CLCN3: variants seen among roughly 807,000 people sequenced by gnomAD.
CLCN3 encodes the protein Cl-/H+ antiporter 3.
CLCN3 carries 16 observed loss-of-function variants against 83.4 expected under a neutral mutation model. The ratio of observed to expected loss-of-function variants is 0.19; its 90% CI spans 0.13 to 0.29. The LOEUF (loss-of-function observed/expected upper bound fraction) is 0.29, where lower values mean the gene tolerates loss of function less well. Among genes scored for constraint, CLCN3 ranks in the 10% least tolerant of loss-of-function variants. The pLI is 1.00. For synonymous variants in CLCN3, 322 were observed against 346.2 expected (o/e 0.93, Z 0.78); for missense variants, 544 against 1,006.0 (o/e 0.54, Z 6.21).
At chr4:169,654,643 A>G (rs1428731562) in intron 2 of CLCN3, among the ~76,000 whole-genome samples, 1 of 152,164 alleles carries the variant, frequency 6.6e-6, no homozygotes, top group Non-Finnish European at 1.5e-5. Context: ...TCAGTTTATA[A>G]TTTCCAACAC....
At chr4:169,622,934 C>G (rs1458138398) in intron 1 of CLCN3, among the ~76,000 whole-genome samples, 1 of 152,184 alleles carries the variant, frequency 6.6e-6, no homozygotes, top group East Asian at 1.9e-4. Flanking sequence ...TCTTACTACT[C>G]TAATAAACAT....
At chr4:169,638,959 A>C (rs1581195008) in intron 2 of CLCN3, among the ~76,000 whole-genome samples, 1 of 152,232 alleles carries the variant, frequency 6.6e-6, no homozygotes, top group Non-Finnish European at 1.5e-5. Flanking sequence ...GCACTTTAAC[A>C]TGCAAACAAG....
chr4:169,694,236 C>T (rs1732482003), intron 7 of CLCN3, among the ~76,000 whole-genome samples: 2 of 152,102 alleles, frequency 1.3e-5, no homozygotes, highest in South Asian at 2.1e-4. Flanking sequence ...TTTACTGGTG[C>T]CAGGCACTGT....
rs1459526623 is a variant in CLCN3, at chr4:169,721,783, T to G, written c.*1786T>G. ...GGCAAAGGCAGTTTACTCAAAGGAC[T>G]GGGCTAAATATTCTGTAATTATGCA... is the stretch of plus-strand genomic sequence containing the variant. On this transcript the variant is annotated 3_prime_UTR_variant, in exon 13 of 13. Coordinates refer to ENST00000513761, the MANE Select transcript of CLCN3 (RefSeq NM_001829.4). 6.6e-6 allele frequency: 1 copy of G among 152,206 alleles called. No homozygotes were observed. The highest frequency in any genetic ancestry group is 6.5e-5 in the Admixed American group (1 of 15,284). 9.4% of individuals were successfully genotyped at this position (152,206 alleles called of 1,614,324 possible).
chr4:169,709,589 G>A (rs572083777), intron 11 of CLCN3, among the ~76,000 whole-genome samples: 103 of 151,940 alleles, frequency 6.8e-4, no homozygotes, highest in Middle Eastern at 3.4e-3. Context: ...GGAGGCTGAG[G>A]CAGGAGAATC....
intron 2 of CLCN3, among the ~76,000 whole-genome samples, chr4:169,676,588 C>G (rs1731687182): frequency 6.6e-6 from 1 of 151,362 alleles, no homozygotes; most frequent in African/African-American, 2.4e-5. Flanking sequence ...TGGGCTCAAG[C>G]AATTCTCTCA....
chr4:169,662,362 C>T (rs866256563), intron 2 of CLCN3, among the ~76,000 whole-genome samples: 5 of 152,110 alleles, frequency 3.3e-5, no homozygotes, highest in Non-Finnish European at 7.4e-5. Flanking sequence ...ATTAGGCTTT[C>T]GTGACTGTAC....
chr4:169,720,285 T>C lies in CLCN3; in HGVS notation c.*288T>C, dbSNP rs1025035996. 2 of 474,740 alleles carry C rather than the reference T, an allele frequency of 4.2e-6. No individual in the cohort carries two copies. The highest frequency in any genetic ancestry group is 2.0e-5 in the African/African-American group (1 of 50,696). 29.4% of individuals were successfully genotyped at this position (474,740 alleles called of 1,614,324 possible). A position where few individuals can be genotyped will look rare whatever the true frequency, so the allele number is the denominator to read the frequency against. On this transcript the variant is annotated 3_prime_UTR_variant, in exon 13 of 13. Transcript: ENST00000513761. ...TGCACTGGATGCATTCAGCTGAGGATGTGCCTGATAGTGCAGGCTTGCGCC... is the reference window on the plus strand; with the variant it reads ...TGCACTGGATGCATTCAGCTGAGGACGTGCCTGATAGTGCAGGCTTGCGCC...
chr4:169,660,313 T>C, intron 2 of CLCN3: 1 of 1,364,136 alleles, frequency 7.3e-7, no homozygotes, highest in East Asian at 2.9e-5. Flanking sequence ...TCACTTTCTT[T>C]TTAAGCTAGC....
chr4:169,673,918 C>T (rs1322728987), intron 2 of CLCN3, among the ~76,000 whole-genome samples: 2 of 152,078 alleles, frequency 1.3e-5, no homozygotes, highest in Non-Finnish European at 2.9e-5. Context: ...GCAGACATGA[C>T]GTGCTTTTAC....
In CLCN3 at chr4:169,719,896, A is replaced by G. The variant is rs374500732; in HGVS notation, c.2367-11A>G. The G allele has an allele frequency of 3.5e-5, 56 of 1,601,610 alleles. No individual in the cohort carries two copies. The highest frequency in any genetic ancestry group is 4.5e-5 in the Non-Finnish European group (53 of 1,175,726). On this transcript the variant is annotated splice_polypyrimidine_tract_variant and intron_variant, in intron 12 of 12. Transcript: ENST00000513761. ...TTTATTTCATAGGAGTCTTCTGTTT[A>G]TTCCTTTCAGGCGCCTCCTTGGCAT... is the stretch of plus-strand genomic sequence containing the variant.
In CLCN3 at chr4:169,713,231, A is replaced by G. The variant is rs770732784; in HGVS notation, c.2302A>G (p.Met768Val). ...SPFTVTDHTP[M>V]EIVVDIFRKL... The stretch of plus-strand genomic sequence containing the variant: ...TTTTACAGTGACAGACCACACCCCA[A>G]TGGAGATCGTGGTGGATATTTTCCG... Residue 768 changes from methionine (M) to valine (V), a missense_variant, in exon 12 of 13, where the codon ATG (methionine) becomes GTG (valine). By Grantham distance (21) the Met-to-Val change is conservative (BLOSUM62 1). This residue lies in a region of CLCN3 where 142 missense variants were observed against 225.0 expected (regional missense o/e 0.63). Coordinates refer to ENST00000513761, the MANE Select transcript of CLCN3 (RefSeq NM_001829.4). The G allele has an allele frequency of 6.6e-5, 107 of 1,613,958 alleles. No individual in the cohort carries two copies. The highest frequency in any genetic ancestry group is 2.2e-4 in the South Asian group (20 of 91,080).
intron 3 of CLCN3, among the ~76,000 whole-genome samples, chr4:169,681,957 T>C (rs1280099033): frequency 1.3e-5 from 2 of 152,198 alleles, no homozygotes; most frequent in African/African-American, 4.8e-5. Flanking sequence ...ACAGATAATA[T>C]AGTTGGAAAA....
rs774255430 is a variant in CLCN3 at position 169,713,067 on chromosome 4, C to T, written c.2150-12C>T. 6.2e-6 allele frequency: 10 copies of T among 1,609,002 alleles called. No individual in the cohort carries two copies. The highest frequency in any genetic ancestry group is 6.8e-6 in the Non-Finnish European group (8 of 1,175,792). ...CAGTTTAAAAGTGTTGGTCTCTTCT[C>T]TCTCTTTTCAGAAAGTGCCAGGAAA... On this transcript the variant is annotated splice_polypyrimidine_tract_variant and intron_variant, in intron 11 of 12. Transcript: ENST00000513761.
chr4:169,654,165 T>G (rs1274389608), intron 2 of CLCN3, among the ~76,000 whole-genome samples: 1 of 152,040 alleles, frequency 6.6e-6, no homozygotes, highest in Admixed American at 6.6e-5. Context: ...TGATAATGGT[T>G]GTGTGTCTTT....
intron 3 of CLCN3, among the ~76,000 whole-genome samples, chr4:169,683,302 G>T (rs546962685): frequency 2.8e-4 from 42 of 152,230 alleles, no homozygotes; most frequent in African/African-American, 7.9e-4. Flanking sequence ...TTTGAGACCA[G>T]CCTGGGCAAA....
chr4:169,697,047 T>G, intron 8 of CLCN3, 142 bp from the exon 9 acceptor site: 1 of 574,878 alleles, frequency 1.7e-6, no homozygotes, highest in Non-Finnish European at 2.9e-6. Flanking sequence ...TCAATTTTTC[T>G]TATTACAGTA....
At chr4:169,713,570 A>C (rs941769038) in intron 12 of CLCN3, among the ~76,000 whole-genome samples, 1 of 152,222 alleles carries the variant, frequency 6.6e-6, no homozygotes, top group Non-Finnish European at 1.5e-5. Context: ...GCATGAAAGC[A>C]TGTTGAGCTT....
At position 169,678,110 on chromosome 4, in the gene CLCN3, A is replaced by G. The variant is rs529840355; in HGVS notation, c.161-1940A>G. Among the ~76,000 whole-genome samples the G allele has an allele frequency of 1.1e-4, 16 of 152,136 alleles. No individual in the cohort carries two copies. In the Middle Eastern group the frequency reaches 0.01, roughly 97 times the overall value. ...CTTACAGGGCAAAAACAAAACCACA[A>G]CTCTAAGGGTTATTGTTTCTACTGG... is the stretch of plus-strand genomic sequence containing the variant. On this transcript the variant is annotated intron_variant, in intron 2 of 12. Transcript: ENST00000513761.
Sources: gnomAD v4.1 joint callset for allele counts (sites outside exome capture counted in the v4.1 genomes callset) on GRCh38, gnomAD v4.1.1 for gene constraint, gnomAD v4.1.1 regional missense constraint, MANE v1.5 for transcripts, NCBI Gene and HGNC (gene_info 2026-07-23, HGNC 2026-07-21) for gene names.